CNTN4: variants seen among roughly 807,000 people sequenced by gnomAD.
CNTN4 encodes contactin-4.
CNTN4 carries 77 observed loss-of-function variants against 122.5 expected under a neutral mutation model. That is an observed-to-expected ratio of 0.63 (90% CI 0.52 to 0.76). CNTN4 has a LOEUF of 0.76. Among genes scored for constraint, CNTN4 ranks in the 30% least tolerant of loss-of-function variants. The probability of loss-of-function intolerance (pLI) is 0.00; values close to 1 mark genes in which losing one functional copy is unlikely to be tolerated. For synonymous variants in CNTN4, 512 were observed against 447.0 expected (o/e 1.15, Z -1.83); for missense variants, 1,256 against 1,259.1 (o/e 1.00, Z 0.04).
intron 6 of CNTN4, among the ~76,000 whole-genome samples, chr3:2,814,670 T>C (rs534277325): frequency 3.4e-4 from 51 of 152,230 alleles, no homozygotes; most frequent in Non-Finnish European, 6.0e-4. Flanking sequence ...TTGAAAGCTC[T>C]TTTTCACTGA....
intron 4 of CNTN4, among the ~76,000 whole-genome samples, chr3:2,651,114 C>G (rs529367078): frequency 6.6e-6 from 1 of 152,118 alleles, no homozygotes; most frequent in Admixed American, 6.5e-5. Flanking sequence ...CGGTCTTTTC[C>G]TTTCTGATGC....
At chr3:3,053,552 G>A (rs995851382) in intron 23 of CNTN4, among the ~76,000 whole-genome samples, 9 of 152,130 alleles carry the variant, frequency 5.9e-5, no homozygotes, top group Admixed American at 4.6e-4. Flanking sequence ...CTGAGCCTCC[G>A]AGAGGCTAGG....
At chr3:3,039,035 A>G in intron 19 of CNTN4, 32 bp downstream of exon 19, 2 of 1,541,114 alleles carry the variant, frequency 1.3e-6, no homozygotes, top group African/African-American at 1.4e-5. Flanking sequence ...AGGAACGTAC[A>G]CGCATCGAAG....
chr3:2,106,089 G>A (rs952510067), intron 2 of CNTN4, among the ~76,000 whole-genome samples: 1 of 152,224 alleles, frequency 6.6e-6, no homozygotes, highest in East Asian at 1.9e-4. Context: ...TGCTGATGCA[G>A]GAGGTGGGCT....
At chr3:2,462,930 T>A (rs1297840533) in intron 3 of CNTN4, among the ~76,000 whole-genome samples, 2 of 152,226 alleles carry the variant, frequency 1.3e-5, no homozygotes, top group African/African-American at 4.8e-5. Flanking sequence ...TTTACATTTT[T>A]TCTTTGCTGT....
intron 4 of CNTN4, among the ~76,000 whole-genome samples, chr3:2,705,145 G>T (rs1239096319): frequency 1.3e-5 from 2 of 151,326 alleles, no homozygotes; most frequent in African/African-American, 4.8e-5. Context: ...GAGGCAGGCG[G>T]ATCACGAGGT....
At chr3:2,184,318 G>T (rs1288978193) in intron 2 of CNTN4, among the ~76,000 whole-genome samples, 1 of 152,052 alleles carries the variant, frequency 6.6e-6, no homozygotes, top group Non-Finnish European at 1.5e-5. Context: ...TTCCCTTCCA[G>T]GAAGGGATGA....
chr3:2,155,387 G>T (rs1379631164), intron 2 of CNTN4, among the ~76,000 whole-genome samples: 1 of 152,120 alleles, frequency 6.6e-6, no homozygotes, highest in African/African-American at 2.4e-5. Flanking sequence ...AGGTGACTTT[G>T]GTGAGATCGG....
rs1485844420 is a variant in CNTN4 at position 2,709,111 on chromosome 3, T to C, written c.56-27104T>C. The stretch of plus-strand genomic sequence containing the variant: ...ATTTAGACCTCGGTGGCTGAGTTTT[T>C]AAGCTAGATCGTTACAAATGAAGCC... On this transcript the variant is annotated intron_variant, in intron 4 of 24. Coordinates refer to ENST00000418658, the MANE Select transcript of CNTN4 (RefSeq NM_175607.3). This position sits in a 1 kb window ranked among gnomAD's most constrained non-coding sequence, Gnocchi z 5.0. Among the ~76,000 whole-genome samples, 1 of 152,182 alleles carries C rather than the reference T, an allele frequency of 6.6e-6. No homozygotes were observed. The highest frequency in any genetic ancestry group is 1.5e-5 in the Non-Finnish European group (1 of 68,036).
At position 3,026,249 on chromosome 3, in the gene CNTN4, A is replaced by C. The variant is rs748767387; in HGVS notation, c.1634A>C (p.Asp545Ala). The change falls in exon 15 of 25, where the codon GAT becomes GCT. Residue 545 changes from aspartate (D) to alanine (A), a missense_variant. Asp to Ala is a moderately radical substitution (Grantham distance 126). Coordinates refer to ENST00000418658, the MANE Select transcript of CNTN4 (RefSeq NM_175607.3). Reference protein sequence around the residue: ...FNGHLIDFDRDGDHFERVGGQ... With the variant: ...FNGHLIDFDRAGDHFERVGGQ... ...GGACACCTGATAGACTTTGACAGAGATGGGGACCACTTTGAAAGAGTTGGA... is the reference window on the plus strand; with the variant it reads ...GGACACCTGATAGACTTTGACAGAGCTGGGGACCACTTTGAAAGAGTTGGA... 6.2e-7 allele frequency: 1 copy of C among 1,613,466 alleles called. No individual in the cohort carries two copies. The highest frequency in any genetic ancestry group is 1.1e-5 in the South Asian group (1 of 91,058).
chr3:2,243,888 A>G (rs763538954), intron 2 of CNTN4, among the ~76,000 whole-genome samples: 16 of 152,110 alleles, frequency 1.1e-4, no homozygotes, highest in Non-Finnish European at 2.1e-4. Context: ...GGTTGCCCAC[A>G]GGAAAATATT....
At chr3:2,629,830 AT>A in intron 4 of CNTN4, among the ~76,000 whole-genome samples, 1 of 152,184 alleles carries the variant, frequency 6.6e-6, no homozygotes, top group South Asian at 2.1e-4. Context: ...ATACTCTGGT[AT>A]CAGTTATGCC....
At chr3:2,727,633 C>T (rs986984547) in intron 4 of CNTN4, among the ~76,000 whole-genome samples, 1 of 152,192 alleles carries the variant, frequency 6.6e-6, no homozygotes, top group Non-Finnish European at 1.5e-5. Flanking sequence ...CCCTTTTTAG[C>T]TCCCAGCACT....
intron 3 of CNTN4, among the ~76,000 whole-genome samples, chr3:2,355,054 C>G (rs556189242): frequency 6.6e-6 from 1 of 152,308 alleles, no homozygotes; most frequent in East Asian, 1.9e-4. Context: ...GCTGTATTAG[C>G]TATTTAAAGT....
intron 6 of CNTN4, among the ~76,000 whole-genome samples, chr3:2,776,310 T>A (rs2091315876): frequency 6.8e-6 from 1 of 146,456 alleles, no homozygotes. Context: ...AATATAAGTG[T>A]TTCTTTTTTT....
chr3:2,140,207 G>T (rs1263147998), intron 2 of CNTN4, among the ~76,000 whole-genome samples: 1 of 152,118 alleles, frequency 6.6e-6, no homozygotes, highest in African/African-American at 2.4e-5. Context: ...CCAGCCTCAG[G>T]TATGTCTTTA....
At chr3:2,181,419 G>A (rs534307707) in intron 2 of CNTN4, among the ~76,000 whole-genome samples, 102 of 152,054 alleles carry the variant, frequency 6.7e-4, no homozygotes, top group Admixed American at 1.4e-3. Flanking sequence ...TTAGTAGAAC[G>A]TATCAAACGC....
At chr3:2,359,183 C>T (rs928368011) in intron 3 of CNTN4, among the ~76,000 whole-genome samples, 3 of 152,074 alleles carry the variant, frequency 2.0e-5, no homozygotes, top group Non-Finnish European at 4.4e-5. Flanking sequence ...TTCGATGCCC[C>T]AAAGATACAT....
At position 2,666,648 on chromosome 3, in the gene CNTN4, G is replaced by T. The variant is rs188348260; in HGVS notation, c.56-69567G>T. 9.7e-3 allele frequency among the ~76,000 whole-genome samples: 1,481 copies of T among 151,980 alleles called. 25 individuals are homozygous for T. The highest frequency in any genetic ancestry group is 0.034 in the African/African-American group (1,400 of 41,432). ...TAGGGTACATGTGCACAACGTGCAG[G>T]TTTTTTACATATGTATACATGTGCC... On this transcript the variant is annotated intron_variant, in intron 4 of 24. Coordinates refer to ENST00000418658, the MANE Select transcript of CNTN4 (RefSeq NM_175607.3).
Sources: allele counts gnomAD v4.1 joint callset (sites outside exome capture counted in the v4.1 genomes callset), GRCh38; gene constraint gnomAD v4.1.1; non-coding constraint Gnocchi (gnomAD v3.1); transcripts MANE v1.5; gene names NCBI Gene and HGNC (gene_info 2026-07-23, HGNC 2026-07-21).